Variants in STK38L observed in about 807,000 individuals in gnomAD.
STK38L encodes the protein serine/threonine kinase 38 like, also known as serine/threonine-protein kinase 38-like.
STK38L carries 28 observed loss-of-function variants against 59.7 expected under a neutral mutation model. That is an observed-to-expected ratio of 0.47 (90% CI 0.35 to 0.64). The LOEUF is 0.64. Among genes scored for constraint, STK38L ranks in the 30% least tolerant of loss-of-function variants. The pLI, the probability that STK38L is intolerant of heterozygous loss-of-function variation, is 0.01. For synonymous variants in STK38L, 162 were observed against 176.8 expected, an observed-to-expected ratio of 0.92 and a Z score of 0.66; for missense variants, 314 against 555.8, an observed-to-expected ratio of 0.56 and a Z score of 4.37.
At chr12:27,284,390 A>T (rs931460511) in intron 1 of STK38L, among the ~76,000 whole-genome samples, 1 of 152,212 alleles carries the variant, frequency 6.6e-6, no homozygotes, top group African/African-American at 2.4e-5. Flanking sequence ...AGGGAGATGG[A>T]CTAGATAATA....
At chr12:27,321,070 T>C (rs1298835623) in intron 12 of STK38L, among the ~76,000 whole-genome samples, 1 of 152,182 alleles carries the variant, frequency 6.6e-6, no homozygotes, top group Non-Finnish European at 1.5e-5. Context: ...CCTAAGGTCA[T>C]ACTGCTAGTT....
At position 27,308,499 on chromosome 12, in the gene STK38L, T is replaced by C; in HGVS notation, c.309+38T>C. ...TTAAAAGTCACTACTGCTGCAAATA[T>C]ATATCTTAAGATAATTTAAAATATG... On this transcript the variant is annotated intron_variant, in intron 4 of 13. Coordinates refer to ENST00000389032, the MANE Select transcript of STK38L (RefSeq NM_015000.4). This position sits in a 1 kb window ranked among gnomAD's most constrained non-coding sequence, Gnocchi z 4.5. The C allele has an allele frequency of 1.3e-6, 2 of 1,512,732 alleles. No homozygotes were observed. The highest frequency in any genetic ancestry group is 1.8e-6 in the Non-Finnish European group (2 of 1,130,308). The allele number at this position is 1,512,732 out of a possible 1,614,324, so 93.7% of individuals were successfully genotyped here. A position where few individuals can be genotyped will look rare whatever the true frequency, so the allele number is the denominator to read the frequency against.
chr12:27,307,700 A>C (rs1379276857), intron 3 of STK38L, among the ~76,000 whole-genome samples: 1 of 152,178 alleles, frequency 6.6e-6, no homozygotes, highest in East Asian at 1.9e-4. Context: ...CAGGTATTTC[A>C]CAGTATTGCT....
chr12:27,318,720 A>C (rs560130570), intron 11 of STK38L, among the ~76,000 whole-genome samples: 60 of 152,328 alleles, frequency 3.9e-4, no homozygotes, highest in Non-Finnish European at 6.5e-4. Context: ...GGCTGGGCAC[A>C]GCAGCTCATG....
chr12:27,276,939 C>T (rs79613329), intron 1 of STK38L, among the ~76,000 whole-genome samples: 1,852 of 152,146 alleles, frequency 0.012, 24 homozygotes, highest in Non-Finnish European at 0.015. Context: ...TCCTGGATTT[C>T]GATTTATTGT....
At chr12:27,278,761 G>A (rs1943590446) in intron 1 of STK38L, among the ~76,000 whole-genome samples, 1 of 152,126 alleles carries the variant, frequency 6.6e-6, no homozygotes, top group African/African-American at 2.4e-5. Context: ...TCTCAGTTTG[G>A]ATACTTGTCC....
chr12:27,250,645 T>C (rs1379986485), intron 1 of STK38L, among the ~76,000 whole-genome samples: 2 of 152,008 alleles, frequency 1.3e-5, no homozygotes, highest in Non-Finnish European at 2.9e-5. Context: ...AAATTGGAGC[T>C]TAGAGAGGTG....
intron 1 of STK38L, among the ~76,000 whole-genome samples, chr12:27,276,208 C>G (rs1332516786): frequency 5.3e-5 from 8 of 152,166 alleles, no homozygotes; most frequent in African/African-American, 1.4e-4. Flanking sequence ...AATCTTGATT[C>G]ATCTATACCC....
Position 27,248,498 on chromosome 12 carries a change from G to A in STK38L, c.-12+4166G>A, listed in dbSNP as rs80255745. Among the ~76,000 whole-genome samples, 377 of 152,260 alleles carry A rather than the reference G, an allele frequency of 2.5e-3. 2 individuals carry two copies. Among genetic ancestry groups the A allele is most frequent in the African/African-American group, 8.8e-3 (365 of 41,540 alleles). On this transcript the variant is annotated intron_variant, in intron 1 of 13. Transcript: ENST00000389032. ...AATCACAAATTCAATTGGATTTAAA[G>A]GTTAGAAAAAAAGTATACCTAGGCA...
intron 1 of STK38L, among the ~76,000 whole-genome samples, chr12:27,268,469 C>G (rs1175332100): frequency 6.6e-6 from 1 of 152,224 alleles, no homozygotes; most frequent in South Asian, 2.1e-4. Context: ...TATGGCTGCA[C>G]AGTATTCCAT....
At chr12:27,267,004 ATTGC>A (rs1190042484) in intron 1 of STK38L, among the ~76,000 whole-genome samples, 2 of 152,168 alleles carry the variant, frequency 1.3e-5, no homozygotes, top group Non-Finnish European at 2.9e-5. Context: ...ACTTTATATC[ATTGC>A]TTTGTTTTTT....
In STK38L at chr12:27,250,886, C is replaced by T. The variant is rs557216549; in HGVS notation, c.-12+6554C>T. ...TGGTGGCGGGCACCTGTAGTCCCAG[C>T]TGCTCAGGAGGCTGAGGCAGGAGAA... On this transcript the variant is annotated intron_variant, in intron 1 of 13. Transcript: ENST00000389032. Among the ~76,000 whole-genome samples the T allele has an allele frequency of 2.5e-3, 380 of 151,756 alleles. 1 individual carries two copies. The highest frequency in any genetic ancestry group is 4.4e-3 in the Non-Finnish European group (302 of 67,924).
At chr12:27,321,355 G>A (rs1944723899) in intron 12 of STK38L, among the ~76,000 whole-genome samples, 1 of 152,106 alleles carries the variant, frequency 6.6e-6, no homozygotes, top group African/African-American at 2.4e-5. Flanking sequence ...CTTTTTAACT[G>A]AGTATCTTTG....
intron 1 of STK38L, among the ~76,000 whole-genome samples, chr12:27,270,550 G>C (rs907988007): frequency 1.3e-5 from 2 of 152,064 alleles, no homozygotes; most frequent in African/African-American, 4.8e-5. Context: ...GCTAATTTTT[G>C]TATTTTTAGT....
At chr12:27,264,822 A>G (rs964156882) in intron 1 of STK38L, among the ~76,000 whole-genome samples, 13 of 152,232 alleles carry the variant, frequency 8.5e-5, no homozygotes, top group African/African-American at 2.4e-4. Flanking sequence ...CATGCATATC[A>G]AAGGATGACT....
intron 1 of STK38L, among the ~76,000 whole-genome samples, chr12:27,264,979 C>G (rs1943273549): frequency 6.6e-6 from 1 of 152,154 alleles, no homozygotes; most frequent in Non-Finnish European, 1.5e-5. Context: ...AGGAAAAGAG[C>G]TCTCTGTGAG....
At chr12:27,264,672 G>T (rs1943267311) in intron 1 of STK38L, among the ~76,000 whole-genome samples, 1 of 152,122 alleles carries the variant, frequency 6.6e-6, no homozygotes, top group Admixed American at 6.5e-5. Context: ...ATCATATTAA[G>T]TATTAGAAGT....
At chr12:27,310,429 A>C (rs900532401) in intron 5 of STK38L, among the ~76,000 whole-genome samples, 20 of 152,196 alleles carry the variant, frequency 1.3e-4, no homozygotes, top group African/African-American at 4.8e-4. Flanking sequence ...TAATGGGATT[A>C]GTCCTACTAG....
chr12:27,322,076 T>G (rs1008121413), intron 12 of STK38L, 67 bp from the exon 13 acceptor site: 7 of 1,389,828 alleles, frequency 5.0e-6, no homozygotes, highest in Non-Finnish European at 7.0e-6. Flanking sequence ...AATTTACAAG[T>G]AGAATTATTT....
Sources: gnomAD v4.1 joint callset for allele counts (sites outside exome capture counted in the v4.1 genomes callset) on GRCh38, gnomAD v4.1.1 for gene constraint, Gnocchi (gnomAD v3.1) non-coding constraint, MANE v1.5 for transcripts, NCBI Gene and HGNC (gene_info 2026-07-23, HGNC 2026-07-21) for gene names.